The following OR51B5 variants were observed in gnomAD, a reference collection of about 807,000 sequenced individuals.
OR51B5 encodes olfactory receptor 51B5.
For synonymous variants in OR51B5, 186 were observed against 144.8 expected (o/e 1.28, Z -2.04); for missense variants, 456 against 374.6 (o/e 1.22, Z -1.79).
chr11:5,478,943 T>C (rs1425277639), intron 1 of OR51B5, among the ~76,000 whole-genome samples: 1 of 151,188 alleles, frequency 6.6e-6, no homozygotes, highest in East Asian at 1.9e-4. Flanking sequence ...CTCTGCAGGA[T>C]ATTATCCGGG....
At chr11:5,469,134 C>G (rs1851184981) in intron 1 of OR51B5, 1 of 224,426 alleles carries the variant, frequency 4.5e-6, no homozygotes, top group Non-Finnish European at 8.9e-6. Context: ...AGGCAGGCAT[C>G]AAAAGTTGTC....
At chr11:5,381,539 A>T (rs1849609251) in intron 1 of OR51B5, among the ~76,000 whole-genome samples, 1 of 152,216 alleles carries the variant, frequency 6.6e-6, no homozygotes, top group African/African-American at 2.4e-5. Context: ...ACTTCGTTGA[A>T]CAATCTAACA....
chr11:5,346,469 GAAA>G (rs1460413436), upstream of OR51B5: 1 of 144,508 alleles, frequency 6.9e-6, no homozygotes, highest in East Asian at 1.9e-4. Context: ...GGAACACCTA[GAAA>G]ATCAGATAAA....
intron 1 of OR51B5, among the ~76,000 whole-genome samples, chr11:5,367,161 G>C (rs1347575218): frequency 6.6e-6 from 1 of 152,184 alleles, no homozygotes. Context: ...CAGAGTTTTA[G>C]TTATTTCATT....
At position 5,405,536 on chromosome 11, in the gene OR51B5, T is replaced by C. The variant is rs1184606087; in HGVS notation, n.85-58626A>G. Among the ~76,000 whole-genome samples the C allele has an allele frequency of 4.6e-5, 7 of 152,220 alleles. No individual in the cohort carries two copies. The East Asian group carries it at 1.3e-3, about 29-fold the overall frequency. On this transcript the variant is annotated intron_variant and non_coding_transcript_variant, in intron 1 of 4. Coordinates refer to the OR51B5 transcript ENST00000415970. ...CAAAGAACTTAGAAAGAACTTTTTT[T>C]TTTTTCTACATTCTCTATCTCTGCT...
At chr11:5,412,572 C>G (rs1180885911) in intron 1 of OR51B5, among the ~76,000 whole-genome samples, 1 of 152,214 alleles carries the variant, frequency 6.6e-6, no homozygotes, top group Non-Finnish European at 1.5e-5. Context: ...CCTGGAAAAT[C>G]GGGTCACTGC....
intron 1 of OR51B5, among the ~76,000 whole-genome samples, chr11:5,443,871 AC>A (rs1241416631): frequency 2.6e-5 from 4 of 152,022 alleles, no homozygotes; most frequent in African/African-American, 4.8e-5. Flanking sequence ...GAGCACACAC[AC>A]ACACACAGTC....
chr11:5,501,863 C>A (rs112263363), intron 1 of OR51B5, among the ~76,000 whole-genome samples: 1 of 140,334 alleles, frequency 7.1e-6, no homozygotes, highest in African/African-American at 2.5e-5. Flanking sequence ...GTTTGCTGCA[C>A]CCATGAACTG....
chr11:5,340,345 ATTATCATTTCTTT>A (rs1848875051), downstream of OR51B5: 1 of 152,038 alleles, frequency 6.6e-6, no homozygotes, highest in African/African-American at 2.4e-5. Flanking sequence ...CTTTTTATTT[ATTATCATTTCTTT>A]ATCTATAATT....
At position 5,470,519 on chromosome 11, in the gene OR51B5, G is replaced by C. The variant is rs529323684; in HGVS notation, n.84+35050C>G. Among the ~76,000 whole-genome samples the C allele has an allele frequency of 6.6e-5, 10 of 151,670 alleles. No individual in the cohort carries two copies. In the South Asian group the frequency reaches 2.1e-3, roughly 32 times the overall value. On this transcript the variant is annotated intron_variant and non_coding_transcript_variant, in intron 1 of 4. Transcript: ENST00000415970. Reference sequence around the variant, plus strand: ...ATCCCAAATATATGTCTGCTGCCCAGGCTTCTCTTCTCAATATGTATTCAC... The same window carrying C: ...ATCCCAAATATATGTCTGCTGCCCACGCTTCTCTTCTCAATATGTATTCAC...
intron 1 of OR51B5, among the ~76,000 whole-genome samples, chr11:5,372,942 CAAAA>C (rs1849467337): frequency 6.6e-6 from 1 of 151,924 alleles, no homozygotes; most frequent in Non-Finnish European, 1.5e-5. Flanking sequence ...CTATAGTAAC[CAAAA>C]AAGTATGGTA....
intron 1 of OR51B5, among the ~76,000 whole-genome samples, chr11:5,421,746 CAA>C (rs1850341804): frequency 6.6e-6 from 1 of 151,820 alleles, no homozygotes; most frequent in African/African-American, 2.4e-5. Flanking sequence ...AATGCTGCTA[CAA>C]AAGTCAAAGG....
intron 1 of OR51B5, chr11:5,403,438 C>A (rs757088353): frequency 2.1e-6 from 1 of 471,564 alleles, no homozygotes; most frequent in Non-Finnish European, 4.4e-6. Flanking sequence ...ATGGCCAATG[C>A]CTACCTCTTC....
chr11:5,369,274 T>A (rs980282603), intron 1 of OR51B5, among the ~76,000 whole-genome samples: 1 of 152,330 alleles, frequency 6.6e-6, no homozygotes, highest in East Asian at 1.9e-4. Flanking sequence ...TATGCCCATG[T>A]GTGTGGGGTA....
intron 1 of OR51B5, among the ~76,000 whole-genome samples, chr11:5,486,150 C>G (rs558091132): frequency 0.015 from 2,103 of 136,310 alleles, 56 homozygotes; most frequent in African/African-American, 0.054. Context: ...TGTTATTAAA[C>G]CTCTCAGTCT....
At chr11:5,386,782 T>C (rs996230137) in intron 1 of OR51B5, among the ~76,000 whole-genome samples, 1 of 151,742 alleles carries the variant, frequency 6.6e-6, no homozygotes, top group African/African-American at 2.4e-5. Context: ...CAGGGATAGA[T>C]TAAAAGAACT....
chr11:5,354,579 C>G (rs1417147469), intron 1 of OR51B5: 1 of 155,428 alleles, frequency 6.4e-6, no homozygotes. Flanking sequence ...AACATATCAA[C>G]AGTAGGGTCG....
chr11:5,343,485 C>A, exon 1 of OR51B5: 1 of 1,380,182 alleles, frequency 7.2e-7, no homozygotes, highest in Non-Finnish European at 1.0e-6. Flanking sequence ...CCTGGAAAAC[C>A]AGTCAATAGG....
rs1056684557 is a variant in OR51B5, at chr11:5,375,446, T to C, written n.85-28536A>G. Among the ~76,000 whole-genome samples the C allele has an allele frequency of 4.7e-5, 7 of 149,152 alleles. No individual in the cohort carries two copies. In the South Asian group the frequency reaches 1.3e-3, roughly 28 times the overall value. Reference sequence around the variant, plus strand: ...TCAACTAACGAGCAAAATAACCAGCTATCATAATGACAGGATCAAATTCAC... The same window carrying C: ...TCAACTAACGAGCAAAATAACCAGCCATCATAATGACAGGATCAAATTCAC... On this transcript the variant is annotated intron_variant and non_coding_transcript_variant, in intron 1 of 4. Coordinates refer to the OR51B5 transcript ENST00000415970.
Sources: gnomAD v4.1 joint callset for allele counts (sites outside exome capture counted in the v4.1 genomes callset) on GRCh38, gnomAD v4.1.1 for gene constraint, MANE v1.5 for transcripts, NCBI Gene and HGNC (gene_info 2026-07-23, HGNC 2026-07-21) for gene names.